The following NECAB1 variants were observed in gnomAD, a reference collection of about 807,000 sequenced individuals.
The protein encoded by NECAB1 is N-terminal EF-hand calcium binding protein 1.
A neutral mutation model predicts 57.5 loss-of-function variants in NECAB1; 29 were observed. The ratio of observed to expected loss-of-function variants is 0.50; its 90% CI spans 0.38 to 0.69. NECAB1 has a LOEUF of 0.69. Among genes scored for constraint, NECAB1 ranks in the 30% least tolerant of loss-of-function variants. The pLI is 0.00. For missense variants in NECAB1, 372 were observed against 413.8 expected (o/e 0.90, Z 0.88); for synonymous variants, 142 against 147.7 (o/e 0.96, Z 0.28).
At chr8:90,880,136 T>C (rs1420408293) in intron 4 of NECAB1, among the ~76,000 whole-genome samples, 1 of 152,204 alleles carries the variant, frequency 6.6e-6, no homozygotes, top group Non-Finnish European at 1.5e-5. Context: ...TGCTGAAATG[T>C]ATTCCCATAA....
chr8:90,802,773 C>T (rs556547704), intron 2 of NECAB1, among the ~76,000 whole-genome samples: 1 of 152,272 alleles, frequency 6.6e-6, no homozygotes, highest in African/African-American at 2.4e-5. Flanking sequence ...TGTGCTTGGC[C>T]ATCAAAATAT....
chr8:90,951,238 CT>C (rs34782158), intron 12 of NECAB1, 34 bp downstream of exon 12: 311,945 of 1,258,700 alleles, frequency 0.25, 42,218 homozygotes, highest in Admixed American at 0.4. Context: ...CTTCTGTGTC[CT>C]TTTGTATTTT....
chr8:90,900,251 T>C (rs921213930), intron 5 of NECAB1, among the ~76,000 whole-genome samples: 1 of 152,190 alleles, frequency 6.6e-6, no homozygotes, highest in African/African-American at 2.4e-5. Flanking sequence ...AGAACAAGCA[T>C]AATTCTGTGT....
chr8:90,872,022 C>A lies in NECAB1; in HGVS notation c.234-106C>A, dbSNP rs1407117615. 12 of 815,900 alleles carry A rather than the reference C, an allele frequency of 1.5e-5. No homozygotes were observed. The East Asian group carries it at 3.1e-4, about 21-fold the overall frequency. 50.5% of individuals were successfully genotyped at this position (815,900 alleles called of 1,614,324 possible). On this transcript the variant is annotated intron_variant, in intron 3 of 12. Transcript: ENST00000417640. The stretch of plus-strand genomic sequence containing the variant: ...GAGAAATACCTTAACTACATACCAT[C>A]AATTAATAATATAGCTTGGAGACTA...
rs1009795414 is a variant in NECAB1, at chr8:90,865,391, G to A, written c.234-6737G>A. On this transcript the variant is annotated intron_variant, in intron 3 of 12. Coordinates refer to ENST00000417640, the MANE Select transcript of NECAB1 (RefSeq NM_022351.5). Reference sequence around the variant, plus strand: ...GACTCCTGATAGAGGGGTGTGTGATGATCACTATACCCTCTGTAAGACAGA... The same window carrying A: ...GACTCCTGATAGAGGGGTGTGTGATAATCACTATACCCTCTGTAAGACAGA... 5.3e-5 allele frequency among the ~76,000 whole-genome samples: 8 copies of A among 152,182 alleles called. No individual in the cohort carries two copies. In the East Asian group the frequency reaches 1.5e-3, roughly 29 times the overall value.
At chr8:90,908,776 C>G (rs1288081879) in intron 5 of NECAB1, among the ~76,000 whole-genome samples, 1 of 152,138 alleles carries the variant, frequency 6.6e-6, no homozygotes, top group Non-Finnish European at 1.5e-5. Flanking sequence ...TCCACATGCT[C>G]TGTCCCAATT....
At chr8:90,935,488 G>A (rs60932614) in intron 9 of NECAB1, among the ~76,000 whole-genome samples, 2,826 of 152,210 alleles carry the variant, frequency 0.019, 98 homozygotes, top group African/African-American at 0.065. Context: ...GACTTTCATG[G>A]GAAAGAGAGG....
At chr8:90,886,961 A>G (rs1376189236) in intron 5 of NECAB1, among the ~76,000 whole-genome samples, 5 of 152,064 alleles carry the variant, frequency 3.3e-5, no homozygotes, top group African/African-American at 1.2e-4. Flanking sequence ...CAGGTCATAT[A>G]TATTTTATAT....
At chr8:90,913,330 G>C (rs1809872430) in intron 5 of NECAB1, among the ~76,000 whole-genome samples, 1 of 150,862 alleles carries the variant, frequency 6.6e-6, no homozygotes, top group African/African-American at 2.5e-5. Context: ...ATACTACTTT[G>C]TTGACAATTT....
intron 5 of NECAB1, among the ~76,000 whole-genome samples, chr8:90,882,907 T>G (rs1379146853): frequency 6.6e-6 from 1 of 152,174 alleles, no homozygotes; most frequent in Non-Finnish European, 1.5e-5. Flanking sequence ...TTAAATTAAT[T>G]GATTGGTTAA....
intron 2 of NECAB1, among the ~76,000 whole-genome samples, chr8:90,821,627 C>A (rs1430367312): frequency 6.6e-6 from 1 of 151,792 alleles, no homozygotes; most frequent in Non-Finnish European, 1.5e-5. Context: ...ATCACAAGTG[C>A]CACTTCTTCT....
intron 2 of NECAB1, among the ~76,000 whole-genome samples, chr8:90,816,853 C>T (rs1489840993): frequency 1.3e-5 from 2 of 151,632 alleles, no homozygotes; most frequent in South Asian, 4.2e-4. Flanking sequence ...AGAGTACTTT[C>T]CTGGGATTTT....
intron 8 of NECAB1, among the ~76,000 whole-genome samples, chr8:90,928,877 T>A (rs1198412012): frequency 6.6e-6 from 1 of 152,222 alleles, no homozygotes; most frequent in Non-Finnish European, 1.5e-5. Flanking sequence ...ATTGTTTTTT[T>A]ATTAATTTAG....
At chr8:90,937,669 A>G (rs1170611721) in intron 9 of NECAB1, among the ~76,000 whole-genome samples, 1 of 152,200 alleles carries the variant, frequency 6.6e-6, no homozygotes, top group African/African-American at 2.4e-5. Flanking sequence ...TTCTTCATTC[A>G]AAGGTTTTTA....
chr8:90,907,494 A>G (rs1392558877), intron 5 of NECAB1, among the ~76,000 whole-genome samples: 1 of 152,168 alleles, frequency 6.6e-6, no homozygotes, highest in East Asian at 1.9e-4. Flanking sequence ...CAGATCATCC[A>G]CACCCCTTGC....
At chr8:90,840,354 C>A (rs1038894027) in intron 3 of NECAB1, among the ~76,000 whole-genome samples, 11 of 152,164 alleles carry the variant, frequency 7.2e-5, no homozygotes, top group Non-Finnish European at 1.5e-4. Context: ...TATGATTGAC[C>A]ACATTTTGCA....
At chr8:90,909,452 G>A (rs1809774629) in intron 5 of NECAB1, among the ~76,000 whole-genome samples, 1 of 151,686 alleles carries the variant, frequency 6.6e-6, no homozygotes, top group South Asian at 2.1e-4. Flanking sequence ...TGTTTTGGTT[G>A]TCTGCAGCTC....
rs16906589 is a variant in NECAB1 at position 90,934,846 on chromosome 8, T to A, written c.747+489T>A. On this transcript the variant is annotated intron_variant, in intron 9 of 12. Transcript: ENST00000417640. Reference sequence around the variant, plus strand: ...AACATTTGTATCCCTAGGGACAAGATGTCCATCCAGAGTGGCAGCAGTTTT... The same window carrying A: ...AACATTTGTATCCCTAGGGACAAGAAGTCCATCCAGAGTGGCAGCAGTTTT... Among the ~76,000 whole-genome samples, 157 of 152,242 alleles carry A rather than the reference T, an allele frequency of 1.0e-3. 4 individuals are homozygous for A. The East Asian group carries it at 0.021, about 21-fold the overall frequency.
intron 5 of NECAB1, among the ~76,000 whole-genome samples, chr8:90,913,937 T>A (rs538971524): frequency 6.6e-6 from 1 of 152,342 alleles, no homozygotes; most frequent in South Asian, 2.1e-4. Context: ...TTTTTCTTTA[T>A]TGCAGAGCCC....
Sources: allele counts gnomAD v4.1 joint callset (sites outside exome capture counted in the v4.1 genomes callset), GRCh38; gene constraint gnomAD v4.1.1; transcripts MANE v1.5; gene names NCBI Gene and HGNC (gene_info 2026-07-23, HGNC 2026-07-21).